SMAD6: variants seen among roughly 807,000 people sequenced by gnomAD.
SMAD6 encodes the protein SMAD family member 6, also known as MAD homolog 6.
A neutral mutation model predicts 39.4 loss-of-function variants in SMAD6; 103 were observed. The ratio of observed to expected loss-of-function variants is 2.62; its 90% CI spans 2.23 to 3.08. The LOEUF (loss-of-function observed/expected upper bound fraction) is 3.08. SMAD6 is among the 30% of genes most tolerant of loss of function. The probability of loss-of-function intolerance (pLI) is 0.00; values close to 1 mark genes in which losing one functional copy is unlikely to be tolerated. For missense variants in SMAD6, 1,104 were observed against 742.9 expected (o/e 1.49, Z -5.65); for synonymous variants, 445 against 353.3 (o/e 1.26, Z -2.91).
Position 66,703,553 on chromosome 15 carries a change from GGC to G in SMAD6, c.298_299del (p.Ala100TrpfsTer20). The G allele has an allele frequency of 8.2e-7, 1 of 1,222,024 alleles. No homozygotes were observed. Among genetic ancestry groups the G allele is most frequent in the Non-Finnish European group, 1.0e-6 (1 of 979,198 alleles). The allele number at this position is 1,222,024 out of a possible 1,614,324, so 75.7% of individuals were successfully genotyped here. A position where few individuals can be genotyped will look rare whatever the true frequency, so the allele number is the denominator to read the frequency against. The part of the protein sequence containing the change: ...PPRPMSEPGA[G>X]AGSSLLDVAE... ...GAGGCCCATGTCGGAGCCAGGGGCC[GGC>G]GCTGGGAGCTCCCTGCTGGACGTGG... On this transcript the variant is annotated frameshift_variant, in exon 1 of 4. Transcript: ENST00000288840. LOFTEE classifies it high-confidence loss of function.
At chr15:66,757,015 A>C (rs1352441081) in intron 3 of SMAD6, among the ~76,000 whole-genome samples, 1 of 152,154 alleles carries the variant, frequency 6.6e-6, no homozygotes, top group Non-Finnish European at 1.5e-5. Flanking sequence ...GGGAGTCCTT[A>C]GACTTTGGGT....
intron 1 of SMAD6, chr15:66,708,606 C>A: frequency 2.4e-6 from 1 of 413,508 alleles, no homozygotes; most frequent in Non-Finnish European, 5.2e-6. Context: ...GAACGAAGTC[C>A]AGCACCAAAA....
intron 3 of SMAD6, among the ~76,000 whole-genome samples, chr15:66,775,497 G>A (rs746139566): frequency 2.0e-5 from 3 of 152,074 alleles, no homozygotes; most frequent in East Asian, 1.9e-4. Flanking sequence ...CTCATTGTTC[G>A]GATGGGAAGA....
chr15:66,772,341 C>A (rs1352918359), intron 3 of SMAD6, among the ~76,000 whole-genome samples: 1 of 152,180 alleles, frequency 6.6e-6, no homozygotes, highest in Non-Finnish European at 1.5e-5. Context: ...TCAGGTAGTG[C>A]ATTTAAAGGG....
At chr15:66,704,096 G>T in intron 1 of SMAD6, 21 bp downstream of exon 1, 5 of 1,407,012 alleles carry the variant, frequency 3.6e-6, no homozygotes, top group Non-Finnish European at 4.6e-6. Context: ...TGCGCCGGCC[G>T]GGGGGGCCCC....
At chr15:66,710,231 C>T (rs186058970) in intron 1 of SMAD6, among the ~76,000 whole-genome samples, 1 of 152,024 alleles carries the variant, frequency 6.6e-6, no homozygotes, top group Non-Finnish European at 1.5e-5. Flanking sequence ...AAAATAGGTG[C>T]CTGATGAGCA....
At chr15:66,751,183 A>G (rs1048397037) in intron 3 of SMAD6, among the ~76,000 whole-genome samples, 1 of 152,140 alleles carries the variant, frequency 6.6e-6, no homozygotes, top group Admixed American at 6.5e-5. Context: ...AGGAAGTCAG[A>G]GGGTGGTGGT....
intron 3 of SMAD6, among the ~76,000 whole-genome samples, chr15:66,736,525 C>T (rs1228895912): frequency 6.6e-6 from 1 of 152,152 alleles, no homozygotes. Flanking sequence ...ATTCTCTCAC[C>T]AGGGCCTCAT....
rs387907283 is a variant in SMAD6 at position 66,781,495 on chromosome 15, G to A, written c.1451G>A (p.Cys484Tyr). ...TACTCCCGGCAGTTCATCACCTCCTGCCCCTGCTGGCTGGAGATCCTCCTC... is the reference window on the plus strand; with the variant it reads ...TACTCCCGGCAGTTCATCACCTCCTACCCCTGCTGGCTGGAGATCCTCCTC... ...PCYSRQFITS[C>Y]PCWLEILLNN... The change falls in exon 4 of 4, where the codon TGC becomes TAC. Residue 484 changes from cysteine to tyrosine, a missense_variant. By Grantham distance (194) the Cys-to-Tyr change is radical (BLOSUM62 -2). Coordinates refer to ENST00000288840, the MANE Select transcript of SMAD6 (RefSeq NM_005585.5). The A allele has an allele frequency of 4.4e-6, 7 of 1,574,560 alleles. No homozygotes were observed. Among genetic ancestry groups the A allele is most frequent in the Non-Finnish European group, 5.2e-6 (6 of 1,163,658 alleles).
At chr15:66,756,030 T>TA (rs71455530) in intron 3 of SMAD6, among the ~76,000 whole-genome samples, 34,830 of 145,452 alleles carry the variant, frequency 0.24, 4,066 homozygotes, top group Middle Eastern at 0.3. Flanking sequence ...TCATTTTGGT[T>TA]AAAAAAAAAA....
intron 3 of SMAD6, among the ~76,000 whole-genome samples, chr15:66,762,660 G>A (rs939778206): frequency 3.3e-5 from 5 of 152,020 alleles, no homozygotes; most frequent in African/African-American, 7.2e-5. Flanking sequence ...TAGAGTAAAC[G>A]CCATGAGAGG....
chr15:66,715,313 G>T (rs1439760600), intron 2 of SMAD6, among the ~76,000 whole-genome samples: 3 of 149,952 alleles, frequency 2.0e-5, no homozygotes, highest in Non-Finnish European at 4.4e-5. Flanking sequence ...AGGCCAAATT[G>T]GTTAATGTTT....
In SMAD6 at chr15:66,719,421, G is replaced by T. The variant is rs114159446; in HGVS notation, c.952+2923G>T. Among the ~76,000 whole-genome samples the T allele has an allele frequency of 6.3e-3, 961 of 152,216 alleles. 7 individuals are homozygous for T. Among genetic ancestry groups the T allele is most frequent in the African/African-American group, 0.02 (835 of 41,542 alleles). ...CCAGGCCACTACTGGACAAACCTTG[G>T]GGACCACCCAGAGATCACACCACTC... On this transcript the variant is annotated intron_variant, in intron 3 of 3. Transcript: ENST00000288840.
Position 66,781,505 on chromosome 15 carries a change from G to C in SMAD6, c.1461G>C (p.Trp487Cys), listed in dbSNP as rs11554691. ...SRQFITSCPC[W>C]LEILLNNPR ...AGTTCATCACCTCCTGCCCCTGCTGGCTGGAGATCCTCCTCAACAACCCCA... is the reference window on the plus strand; with the variant it reads ...AGTTCATCACCTCCTGCCCCTGCTGCCTGGAGATCCTCCTCAACAACCCCA... Residue 487 changes from tryptophan to cysteine, a missense_variant, in exon 4 of 4, where the codon TGG becomes TGC. Physicochemically the swap from Trp to Cys is radical, Grantham distance 215. Coordinates refer to ENST00000288840, the MANE Select transcript of SMAD6 (RefSeq NM_005585.5). 1.9e-6 allele frequency: 3 copies of C among 1,567,518 alleles called. No individual in the cohort carries two copies. Among genetic ancestry groups the C allele is most frequent in the East Asian group, 2.3e-5 (1 of 43,872 alleles).
chr15:66,720,008 C>G (rs1366255210), intron 3 of SMAD6, among the ~76,000 whole-genome samples: 1 of 152,090 alleles, frequency 6.6e-6, no homozygotes, highest in Non-Finnish European at 1.5e-5. Flanking sequence ...GAATGGAAAG[C>G]CTAGAACTTT....
intron 1 of SMAD6, chr15:66,707,144 CTCGGTGGGT>C (rs1490655803): frequency 6.6e-6 from 1 of 152,242 alleles, no homozygotes; most frequent in East Asian, 1.9e-4. Flanking sequence ...GTTCGCTGAG[CTCGGTGGGT>C]GCCTATGTGG....
At position 66,703,757 on chromosome 15, in the gene SMAD6, C is replaced by T; in HGVS notation, c.499C>T (p.Leu167=). 1.4e-6 allele frequency: 2 copies of T among 1,405,862 alleles called. No homozygotes were observed. The highest frequency in any genetic ancestry group is 1.9e-6 in the Non-Finnish European group (2 of 1,067,440). 87.1% of individuals were successfully genotyped at this position (1,405,862 alleles called of 1,614,324 possible). A position where few individuals can be genotyped will look rare whatever the true frequency, so the allele number is the denominator to read the frequency against. The change falls in exon 1 of 4, where the codon CTG becomes TTG. Residue 167 remains leucine, a synonymous_variant. Coordinates refer to ENST00000288840, the MANE Select transcript of SMAD6 (RefSeq NM_005585.5). ...TCGCGAAGCGCGCTCGCGGCTGCTG[C>T]TGCTGGAGCAGGAACTCAAAACCGT... is the stretch of plus-strand genomic sequence containing the variant. ...RSREARSRLL[L]LEQELKTVTY...
chr15:66,746,491 C>T (rs1893911232), intron 3 of SMAD6, among the ~76,000 whole-genome samples: 1 of 152,088 alleles, frequency 6.6e-6, no homozygotes, highest in Non-Finnish European at 1.5e-5. Context: ...CCAAGTTCCT[C>T]TCTGGATTTG....
At chr15:66,725,708 C>T (rs1177997492) in intron 3 of SMAD6, among the ~76,000 whole-genome samples, 4 of 152,188 alleles carry the variant, frequency 2.6e-5, no homozygotes, top group Non-Finnish European at 4.4e-5. Context: ...CATTTGGCTC[C>T]TCAGCAGCCA....
Sources: gnomAD v4.1 joint callset for allele counts (sites outside exome capture counted in the v4.1 genomes callset) on GRCh38, gnomAD v4.1.1 for gene constraint, MANE v1.5 for transcripts, NCBI Gene and HGNC (gene_info 2026-07-23, HGNC 2026-07-21) for gene names.